The following TOP6BL variants were observed in gnomAD, a reference collection of about 807,000 sequenced individuals.
TOP6BL encodes TOP6B like initiator of meiotic double strand breaks, also known as type 2 DNA topoisomerase 6 subunit B-like.
chr11:66,783,146 A>T, the TOP6BL span, among the ~76,000 whole-genome samples: 3 of 152,222 alleles, frequency 2.0e-5, no homozygotes, highest in African/African-American at 7.2e-5. Flanking sequence ...AGCCTGGGCA[A>T]CATAGTGAGA....
the TOP6BL span, among the ~76,000 whole-genome samples, chr11:66,768,621 A>G: frequency 6.6e-6 from 1 of 151,868 alleles, no homozygotes; most frequent in East Asian, 1.9e-4. Context: ...AGATTTTATA[A>G]AGGTTGGCTG....
At chr11:66,754,813 A>G in the TOP6BL span, among the ~76,000 whole-genome samples, 1 of 152,278 alleles carries the variant, frequency 6.6e-6, no homozygotes, top group African/African-American at 2.4e-5. Context: ...CCAAAGATTG[A>G]CACCTTGACC....
the TOP6BL span, among the ~76,000 whole-genome samples, chr11:66,746,869 ACT>A: frequency 2.0e-5 from 3 of 151,486 alleles, no homozygotes; most frequent in South Asian, 2.1e-4. Context: ...TCAGAGTGAG[ACT>A]CTGTCCCCTC....
the TOP6BL span, among the ~76,000 whole-genome samples, chr11:66,767,426 A>G: frequency 6.6e-6 from 1 of 152,156 alleles, no homozygotes; most frequent in Non-Finnish European, 1.5e-5. Flanking sequence ...AGGAAAGGAA[A>G]GTGGATGGAG....
the TOP6BL span, among the ~76,000 whole-genome samples, chr11:66,827,330 G>A: frequency 1.2e-3 from 178 of 151,994 alleles, no homozygotes; most frequent in Non-Finnish European, 2.3e-3. Context: ...GATTACAGGC[G>A]TGAGCCACCG....
chr11:66,754,940 C>T, the TOP6BL span, among the ~76,000 whole-genome samples: 2 of 152,116 alleles, frequency 1.3e-5, no homozygotes, highest in Non-Finnish European at 2.9e-5. Flanking sequence ...AACAGACTCT[C>T]CTTAATTTAT....
the TOP6BL span, among the ~76,000 whole-genome samples, chr11:66,823,248 C>A: frequency 6.7e-6 from 1 of 148,330 alleles, no homozygotes; most frequent in African/African-American, 2.5e-5. Context: ...GAGCCGAGAT[C>A]GCCCCATTGT....
chr11:66,773,907 T>C, the TOP6BL span, among the ~76,000 whole-genome samples: 1 of 152,012 alleles, frequency 6.6e-6, no homozygotes, highest in Non-Finnish European at 1.5e-5. Context: ...CAGCTAATTT[T>C]TGTATTTTTA....
At chr11:66,796,570 A>C in the TOP6BL span, among the ~76,000 whole-genome samples, 2 of 152,082 alleles carry the variant, frequency 1.3e-5, no homozygotes, top group African/African-American at 4.8e-5. Context: ...GCTTGAGTCC[A>C]GGAGTTTAAG....
chr11:66,807,511 C>T, the TOP6BL span, among the ~76,000 whole-genome samples: 6 of 152,066 alleles, frequency 3.9e-5, no homozygotes, highest in Admixed American at 1.3e-4. Context: ...GCGGTGGTTG[C>T]GGTGAGCCGA....
the TOP6BL span, chr11:66,828,164 A>T: frequency 1.4e-6 from 1 of 717,250 alleles, no homozygotes; most frequent in Non-Finnish European, 2.4e-6. Flanking sequence ...TGGCTTGCCT[A>T]CTGTCTGCCT....
the TOP6BL span, among the ~76,000 whole-genome samples, chr11:66,836,700 A>AG: frequency 9.3e-6 from 1 of 107,656 alleles, no homozygotes; most frequent in African/African-American, 3.6e-5. Context: ...AGAAAATATG[A>AG]TTTTTTTTTT....
At chr11:66,834,014 G>C in the TOP6BL span, among the ~76,000 whole-genome samples, 3 of 151,952 alleles carry the variant, frequency 2.0e-5, no homozygotes, top group Non-Finnish European at 4.4e-5. Context: ...CATAGCCTCA[G>C]GGCCATTCAT....
chr11:66,795,127 T>G, the TOP6BL span, among the ~76,000 whole-genome samples: 1 of 150,296 alleles, frequency 6.7e-6, no homozygotes, highest in South Asian at 2.1e-4. Flanking sequence ...AGAGCAAAAC[T>G]CCATCTCAAA....
the TOP6BL span, among the ~76,000 whole-genome samples, chr11:66,815,371 A>G: frequency 6.6e-6 from 1 of 152,246 alleles, no homozygotes; most frequent in Non-Finnish European, 1.5e-5. Context: ...GTACTTCTCT[A>G]CATGGATCTG....
At chr11:66,792,013 G>C in the TOP6BL span, among the ~76,000 whole-genome samples, 1 of 151,986 alleles carries the variant, frequency 6.6e-6, no homozygotes, top group Non-Finnish European at 1.5e-5. Context: ...GAGATGGGCT[G>C]TGTTAGCCAG....
the TOP6BL span, among the ~76,000 whole-genome samples, chr11:66,782,338 A>G: frequency 2.6e-5 from 4 of 152,178 alleles, no homozygotes; most frequent in Admixed American, 6.5e-5. Flanking sequence ...TCTCAACTCC[A>G]TAGCACCTGC....
the TOP6BL span, among the ~76,000 whole-genome samples, chr11:66,777,763 T>C: frequency 6.6e-6 from 1 of 151,978 alleles, no homozygotes; most frequent in Middle Eastern, 3.2e-3. Context: ...TCCCAGCTAC[T>C]CGGGAGGCTG....
the TOP6BL span, among the ~76,000 whole-genome samples, chr11:66,749,860 G>A: frequency 6.6e-6 from 1 of 152,130 alleles, no homozygotes. Flanking sequence ...TTACAAACGT[G>A]AGCTACCGCA....
Sources: gnomAD v4.1 joint callset for allele counts (sites outside exome capture counted in the v4.1 genomes callset) on GRCh38, gnomAD v4.1.1 for gene constraint, MANE v1.5 for transcripts, NCBI Gene and HGNC (gene_info 2026-07-23, HGNC 2026-07-21) for gene names.